The following KCTD1 variants were observed in gnomAD, a reference collection of about 807,000 sequenced individuals.
KCTD1 encodes the protein BTB/POZ domain-containing protein KCTD1.
KCTD1 carries 24 observed loss-of-function variants against 66.0 expected under a neutral mutation model. The ratio of observed to expected loss-of-function variants is 0.36; its 90% CI spans 0.26 to 0.51. The LOEUF is 0.51. KCTD1 is among the 20% of genes least tolerant of loss of function. KCTD1 has a pLI of 0.95. For missense variants in KCTD1, 943 were observed against 1,205.2 expected (o/e 0.78, Z 3.22); for synonymous variants, 511 against 517.2 (o/e 0.99, Z 0.16).
chr18:26,559,233 T>A (rs548931127), intron 1 of KCTD1, among the ~76,000 whole-genome samples: 1 of 152,262 alleles, frequency 6.6e-6, no homozygotes, highest in South Asian at 2.1e-4. Flanking sequence ...ACTGTATATT[T>A]TAAAATAACT....
intron 1 of KCTD1, among the ~76,000 whole-genome samples, chr18:26,594,629 GGT>G (rs779484091): frequency 2.2e-3 from 333 of 152,272 alleles, no homozygotes; most frequent in Middle Eastern, 3.4e-3. Context: ...TGCAGGCCCT[GGT>G]GATGGCTAAC....
chr18:26,549,763 G>A, upstream of KCTD1: 2 of 985,402 alleles, frequency 2.0e-6, no homozygotes, highest in African/African-American at 1.7e-5. Context: ...TTCGCCCTCC[G>A]GGCTGCGCTG....
At chr18:26,579,076 G>T (rs1471433899) in intron 1 of KCTD1, among the ~76,000 whole-genome samples, 2 of 151,918 alleles carry the variant, frequency 1.3e-5, no homozygotes, top group African/African-American at 4.8e-5. Context: ...AATACTGGAT[G>T]CATATACAAG....
At chr18:26,614,162 C>T (rs1987196819) in intron 1 of KCTD1, among the ~76,000 whole-genome samples, 1 of 152,236 alleles carries the variant, frequency 6.6e-6, no homozygotes, top group Admixed American at 6.5e-5. Context: ...GTGTCTACTC[C>T]ATGGGAACAG....
chr18:26,467,660 C>A (rs1041186150), intron 3 of KCTD1, among the ~76,000 whole-genome samples: 1 of 151,946 alleles, frequency 6.6e-6, no homozygotes, highest in Admixed American at 6.6e-5. Context: ...ACTAAAAATA[C>A]AAAAGTTAGC....
At chr18:26,460,218 C>T (rs941454094) in intron 3 of KCTD1, among the ~76,000 whole-genome samples, 1 of 152,224 alleles carries the variant, frequency 6.6e-6, no homozygotes, top group African/African-American at 2.4e-5. Context: ...TTAGGAACCA[C>T]TATTATTCCC....
At chr18:26,603,362 G>GT (rs1986940687) in intron 1 of KCTD1, among the ~76,000 whole-genome samples, 1 of 151,100 alleles carries the variant, frequency 6.6e-6, no homozygotes, top group African/African-American at 2.4e-5. Context: ...AGCCTAAGAG[G>GT]TTGAGGCTGC....
intron 1 of KCTD1, among the ~76,000 whole-genome samples, chr18:26,510,879 T>C (rs1246357110): frequency 6.6e-6 from 1 of 152,142 alleles, no homozygotes; most frequent in Non-Finnish European, 1.5e-5. Context: ...GTAATAATAG[T>C]GCTATAGGGA....
intron 1 of KCTD1, among the ~76,000 whole-genome samples, chr18:26,510,341 G>A (rs1315302660): frequency 1.3e-5 from 2 of 152,176 alleles, no homozygotes; most frequent in Non-Finnish European, 1.5e-5. Context: ...GATTAAAATC[G>A]TAATTTCACA....
chr18:26,637,319 C>T (rs1987744954), intron 1 of KCTD1, among the ~76,000 whole-genome samples: 1 of 152,158 alleles, frequency 6.6e-6, no homozygotes, highest in Non-Finnish European at 1.5e-5. Flanking sequence ...AAGAACACTC[C>T]AAAGTGTAAA....
intron 3 of KCTD1, among the ~76,000 whole-genome samples, chr18:26,462,334 TAG>T (rs1221546678): frequency 6.6e-6 from 1 of 152,278 alleles, no homozygotes; most frequent in Non-Finnish European, 1.5e-5. Context: ...GCCCCTGGGC[TAG>T]AGTCTCATGG....
chr18:26,627,029 G>C (rs1987516352), intron 1 of KCTD1, among the ~76,000 whole-genome samples: 1 of 152,108 alleles, frequency 6.6e-6, no homozygotes, highest in Non-Finnish European at 1.5e-5. Context: ...ATCTTTTGAA[G>C]ATTTCAAGGC....
intron 1 of KCTD1, among the ~76,000 whole-genome samples, chr18:26,622,765 GA>G (rs1299018156): frequency 6.6e-6 from 1 of 152,126 alleles, no homozygotes; most frequent in African/African-American, 2.4e-5. Flanking sequence ...AGAGGGTAGA[GA>G]GGGGGTGGCG....
intron 1 of KCTD1, among the ~76,000 whole-genome samples, chr18:26,502,743 A>C (rs1359472124): frequency 6.6e-6 from 1 of 152,220 alleles, no homozygotes; most frequent in Non-Finnish European, 1.5e-5. Flanking sequence ...CAGATTTATA[A>C]TTTTAGCCAA....
intron 4 of KCTD1, 160 bp downstream of exon 4, chr18:26,459,460 C>T (rs1166785555): frequency 6.1e-6 from 4 of 651,950 alleles, no homozygotes; most frequent in South Asian, 4.3e-5. Context: ...ACAAGACTTA[C>T]GGAATGACTG....
intron 1 of KCTD1, among the ~76,000 whole-genome samples, chr18:26,594,633 A>G (rs567969368): frequency 1.3e-5 from 2 of 152,138 alleles, no homozygotes. Flanking sequence ...GGCCCTGGTG[A>G]TGGCTAACTT....
At position 26,593,635 on chromosome 18, in the gene KCTD1, GAGGAAGAGA is replaced by G. The variant is rs1444480096; in HGVS notation, c.-16+35503_-16+35511del. On this transcript the variant is annotated intron_variant, in intron 1 of 4. Transcript: ENST00000317932. Reference sequence around the variant, plus strand: ...AGACAAGGAGGAGGAGGAAGATGAGGAGGAAGAGAAGGAAGAGGAGGAAGAGGAGGAGGA... The same window carrying G: ...AGACAAGGAGGAGGAGGAAGATGAGGAGGAAGAGGAGGAAGAGGAGGAGGA... Among the ~76,000 whole-genome samples, 3 of 121,626 alleles carry G rather than the reference GAGGAAGAGA, an allele frequency of 2.5e-5. 1 individual carries two copies. The highest frequency in any genetic ancestry group is 6.4e-5 in the African/African-American group (2 of 31,236). The allele number at this position is 121,626 out of a possible 152,430, so 79.8% of individuals were successfully genotyped here.
chr18:26,513,151 C>A (rs1334280358), intron 1 of KCTD1, among the ~76,000 whole-genome samples: 4 of 150,266 alleles, frequency 2.7e-5, no homozygotes, highest in Non-Finnish European at 5.9e-5. Flanking sequence ...GCAATGGCGC[C>A]ATCTCGGTTC....
At chr18:26,592,079 T>G (rs562641063) in intron 1 of KCTD1, among the ~76,000 whole-genome samples, 11 of 152,318 alleles carry the variant, frequency 7.2e-5, no homozygotes, top group African/African-American at 2.6e-4. Context: ...CACCTGGGCA[T>G]ATTCATGAAA....
Sources: allele counts gnomAD v4.1 joint callset (sites outside exome capture counted in the v4.1 genomes callset), GRCh38; gene constraint gnomAD v4.1.1; transcripts MANE v1.5; gene names NCBI Gene and HGNC (gene_info 2026-07-23, HGNC 2026-07-21).